KSR2: variants seen among roughly 807,000 people sequenced by gnomAD.
KSR2 encodes the protein kinase suppressor of ras 2.
KSR2 carries 25 observed loss-of-function variants against 107.8 expected under a neutral mutation model. That is an observed-to-expected ratio of 0.23 (90% CI 0.17 to 0.32). The LOEUF (loss-of-function observed/expected upper bound fraction) is 0.32, where lower values mean the gene tolerates loss of function less well. KSR2 is among the 10% of genes least tolerant of loss of function. The pLI is 1.00. For synonymous variants in KSR2, 480 were observed against 507.0 expected (o/e 0.95, Z 0.71); for missense variants, 887 against 1,268.9 (o/e 0.70, Z 4.57).
At chr12:117,918,810 T>C (rs1895259511) in intron 1 of KSR2, among the ~76,000 whole-genome samples, 1 of 146,566 alleles carries the variant, frequency 6.8e-6, no homozygotes, top group African/African-American at 2.5e-5. Context: ...AAAAAGTATC[T>C]TTTAAACTTT....
In KSR2 at chr12:117,455,615, C is replaced by T. The variant is rs1870580183; in HGVS notation, c.*11584G>A. The T allele has an allele frequency of 6.6e-6, 1 of 152,174 alleles. No homozygotes were observed. Among genetic ancestry groups the T allele is most frequent in the Non-Finnish European group, 1.5e-5 (1 of 68,078 alleles). 9.4% of individuals were successfully genotyped at this position (152,174 alleles called of 1,614,324 possible). A position where few individuals can be genotyped will look rare whatever the true frequency, so the allele number is the denominator to read the frequency against. On this transcript the variant is annotated 3_prime_UTR_variant, in exon 20 of 20. Coordinates refer to ENST00000339824, the MANE Select transcript of KSR2 (RefSeq NM_173598.6). ...CTTTTCTCCATTTTTTCCAGAATCACAGGAGGCACTTAACAAATATTTACT... is the reference window on the plus strand; with the variant it reads ...CTTTTCTCCATTTTTTCCAGAATCATAGGAGGCACTTAACAAATATTTACT...
At chr12:117,707,766 T>C (rs1593153324) in intron 4 of KSR2, among the ~76,000 whole-genome samples, 2 of 152,290 alleles carry the variant, frequency 1.3e-5, no homozygotes, top group African/African-American at 2.4e-5. Flanking sequence ...CAGTAACCCA[T>C]CTATTTCAAC....
At position 117,460,461 on chromosome 12, in the gene KSR2, G is replaced by A. The variant is rs778278898; in HGVS notation, c.*6738C>T. 3.1e-4 allele frequency: 47 copies of A among 152,244 alleles called. No individual in the cohort carries two copies. The highest frequency in any genetic ancestry group is 6.5e-4 in the Non-Finnish European group (44 of 68,070). 9.4% of individuals were successfully genotyped at this position (152,244 alleles called of 1,614,324 possible). ...GGAGCAGGGATACTGGAGGGACCCA[G>A]GAGGGACTCTGCCAACCCAGATGTA... On this transcript the variant is annotated 3_prime_UTR_variant, in exon 20 of 20. Coordinates refer to ENST00000339824, the MANE Select transcript of KSR2 (RefSeq NM_173598.6).
chr12:117,605,776 C>A (rs141334991), intron 5 of KSR2, among the ~76,000 whole-genome samples: 1 of 152,054 alleles, frequency 6.6e-6, no homozygotes, highest in Non-Finnish European at 1.5e-5. Flanking sequence ...ATATACACCA[C>A]GGAATACTAT....
intron 1 of KSR2, among the ~76,000 whole-genome samples, chr12:117,871,370 C>T (rs1593325061): frequency 6.6e-6 from 1 of 152,162 alleles, no homozygotes; most frequent in East Asian, 1.9e-4. Context: ...AGGAGGATCA[C>T]TTGAGGTCAG....
chr12:117,674,415 A>G (rs750414543), intron 4 of KSR2: 5 of 456,246 alleles, frequency 1.1e-5, no homozygotes, highest in Non-Finnish European at 2.2e-5. Flanking sequence ...ACTCTGTAGC[A>G]TTAAGTTCAT....
At chr12:117,963,035 C>T (rs1181856830) in intron 1 of KSR2, among the ~76,000 whole-genome samples, 2 of 151,520 alleles carry the variant, frequency 1.3e-5, no homozygotes, top group African/African-American at 2.4e-5. Context: ...ACTAAAAATA[C>T]AAAAATTAGC....
At chr12:117,712,375 C>T (rs1010798571) in intron 4 of KSR2, among the ~76,000 whole-genome samples, 1 of 152,104 alleles carries the variant, frequency 6.6e-6, no homozygotes, top group Non-Finnish European at 1.5e-5. Context: ...GGGGGAGAAG[C>T]CACAAAGACC....
intron 9 of KSR2, among the ~76,000 whole-genome samples, chr12:117,543,686 A>T (rs1450810303): frequency 1.3e-5 from 2 of 152,198 alleles, no homozygotes; most frequent in African/African-American, 2.4e-5. Flanking sequence ...TGGTATGGGT[A>T]TCAGTTTCCT....
At chr12:117,760,302 C>A (rs953082188) in intron 4 of KSR2, among the ~76,000 whole-genome samples, 1 of 152,202 alleles carries the variant, frequency 6.6e-6, no homozygotes, top group African/African-American at 2.4e-5. Context: ...CCAAAGGGGT[C>A]CTCTGTCAAT....
chr12:117,765,692 G>A (rs1045918103), intron 3 of KSR2, among the ~76,000 whole-genome samples: 1 of 152,150 alleles, frequency 6.6e-6, no homozygotes, highest in Admixed American at 6.5e-5. Context: ...CATATATGTA[G>A]TGATAGTAAG....
At chr12:117,898,729 C>T (rs373432461) in intron 1 of KSR2, among the ~76,000 whole-genome samples, 224 of 151,668 alleles carry the variant, frequency 1.5e-3, no homozygotes, top group African/African-American at 5.3e-3. Flanking sequence ...GGATACACAA[C>T]AGAGTACTAT....
rs201100401 is a variant in KSR2 at position 117,942,493 on chromosome 12, CT to C, written c.180+25582del. On this transcript the variant is annotated intron_variant, in intron 1 of 19. Coordinates refer to ENST00000339824, the MANE Select transcript of KSR2 (RefSeq NM_173598.6). Reference sequence around the variant, plus strand: ...TTTCTTTTTCTTTTCCTTTTTTTTTCTTTTTTTTTTTTTGAGACAGGGTCTT... The same window carrying C: ...TTTCTTTTTCTTTTCCTTTTTTTTTCTTTTTTTTTTTTGAGACAGGGTCTT... Among the ~76,000 whole-genome samples the C allele has an allele frequency of 8.6e-3, 1,186 of 138,114 alleles. 13 individuals are homozygous for C. Among genetic ancestry groups the C allele is most frequent in the African/African-American group, 0.025 (947 of 37,550 alleles). 90.6% of individuals were successfully genotyped at this position (138,114 alleles called of 152,430 possible).
intron 4 of KSR2, among the ~76,000 whole-genome samples, chr12:117,712,430 C>T (rs529151204): frequency 1.8e-4 from 28 of 152,184 alleles, no homozygotes; most frequent in African/African-American, 5.8e-4. Flanking sequence ...GACCCTCAGC[C>T]GTGACAGAAA....
intron 1 of KSR2, among the ~76,000 whole-genome samples, chr12:117,872,612 T>C (rs1361983052): frequency 6.6e-6 from 1 of 152,074 alleles, no homozygotes; most frequent in East Asian, 1.9e-4. Context: ...TTAGAAATTC[T>C]GATTCAGTGA....
chr12:117,868,757 C>CA (rs1449486709), intron 1 of KSR2, among the ~76,000 whole-genome samples: 1 of 148,078 alleles, frequency 6.8e-6, no homozygotes, highest in Admixed American at 6.7e-5. Flanking sequence ...ATTTTCTTTT[C>CA]TTTTTTTTTT....
At chr12:117,643,208 A>T (rs549819661) in intron 5 of KSR2, among the ~76,000 whole-genome samples, 19 of 152,322 alleles carry the variant, frequency 1.2e-4, no homozygotes, top group African/African-American at 4.6e-4. Context: ...TAGGAGGCCA[A>T]GGTGGGCAGA....
Position 117,558,578 on chromosome 12 carries a change from G to T in KSR2, c.1326-5C>A, listed in dbSNP as rs1195446588. 6.2e-7 allele frequency: 1 copy of T among 1,612,492 alleles called. No individual in the cohort carries two copies. Among genetic ancestry groups the T allele is most frequent in the Admixed American group, 1.7e-5 (1 of 60,014 alleles). On this transcript the variant is annotated splice_region_variant and splice_polypyrimidine_tract_variant and intron_variant, in intron 7 of 19. Transcript: ENST00000339824. ...CATTTGTTGTGGCACTTTAACCTGA[G>T]AAAGATAAAGAGAGAGAAAGATGGA...
chr12:117,773,111 T>C (rs1889565216), intron 3 of KSR2, among the ~76,000 whole-genome samples: 1 of 152,204 alleles, frequency 6.6e-6, no homozygotes, highest in Admixed American at 6.5e-5. Context: ...TATCAACTCT[T>C]CCCTCTCTCT....
Sources: allele counts gnomAD v4.1 joint callset (sites outside exome capture counted in the v4.1 genomes callset), GRCh38; gene constraint gnomAD v4.1.1; transcripts MANE v1.5; gene names NCBI Gene and HGNC (gene_info 2026-07-23, HGNC 2026-07-21).